Variants in OMA1 observed in about 807,000 individuals in gnomAD.
OMA1 encodes the protein metalloendopeptidase OMA1, mitochondrial.
In OMA1, 38 loss-of-function variants were observed where a neutral mutation model predicts 30.9. That is an observed-to-expected ratio of 1.23 (90% CI 0.95 to 1.61). The LOEUF (loss-of-function observed/expected upper bound fraction) is 1.61. OMA1 is among the 40% of genes most tolerant of loss of function. The pLI is 0.00. For missense variants in OMA1, 461 were observed against 349.2 expected (o/e 1.32, Z -2.55); for synonymous variants, 173 against 121.9 (o/e 1.42, Z -2.76).
At chr1:58,503,794 G>A (rs1324517382) in intron 8 of OMA1, among the ~76,000 whole-genome samples, 1 of 152,142 alleles carries the variant, frequency 6.6e-6, no homozygotes, top group Admixed American at 6.5e-5. Flanking sequence ...GTAAGTTTCT[G>A]TTGTTTATAA....
intron 7 of OMA1, among the ~76,000 whole-genome samples, chr1:58,523,040 A>C (rs1168615485): frequency 3.9e-5 from 6 of 152,180 alleles, no homozygotes. Flanking sequence ...GAATAATCAG[A>C]ATCCTTCTGC....
In OMA1 at chr1:58,489,211, G is replaced by T. The variant is rs1433206669; in HGVS notation, c.1366-8037C>A. 2.0e-5 allele frequency among the ~76,000 whole-genome samples: 3 copies of T among 152,326 alleles called. No homozygotes were observed. The East Asian group carries it at 5.8e-4, about 29-fold the overall frequency. ...TTCCTAGCCAAGGAAAGGGGTAACA[G>T]ACGGCACCTGGAAAATTGGGTCACT... is the stretch of plus-strand genomic sequence containing the variant. On this transcript the variant is annotated intron_variant, in intron 8 of 8. Coordinates refer to ENST00000371226, the MANE Select transcript of OMA1 (RefSeq NM_145243.5).
At chr1:58,483,451 C>T (rs899228604) in intron 8 of OMA1, among the ~76,000 whole-genome samples, 3 of 152,154 alleles carry the variant, frequency 2.0e-5, no homozygotes, top group East Asian at 3.8e-4. Flanking sequence ...GCACTTCTAG[C>T]TCTGATTAGG....
chr1:58,518,196 A>G (rs1313478485), intron 7 of OMA1, among the ~76,000 whole-genome samples: 6 of 60,296 alleles, frequency 1.0e-4, no homozygotes, highest in Admixed American at 4.0e-4. Context: ...GAAAGAAAAG[A>G]GGAGAGGGGA....
chr1:58,500,212 T>A (rs1645883690), intron 8 of OMA1, among the ~76,000 whole-genome samples: 1 of 151,096 alleles, frequency 6.6e-6, no homozygotes, highest in South Asian at 2.1e-4. Flanking sequence ...GTTTAGACAA[T>A]GTTACTGTCA....
At chr1:58,522,165 A>C (rs1057513864) in intron 7 of OMA1, among the ~76,000 whole-genome samples, 13 of 152,206 alleles carry the variant, frequency 8.5e-5, no homozygotes, top group African/African-American at 2.2e-4. Context: ...CAATACAGGC[A>C]GAAAATGCAG....
In OMA1 at chr1:58,528,858, A is replaced by G. The variant is rs1217612966; in HGVS notation, c.1141-1523T>C. Reference sequence around the variant, plus strand: ...AATTATTGAGGGGCCTTGATTTAGGAAAAAATAATTCAAATAGAATCATTC... The same window carrying G: ...AATTATTGAGGGGCCTTGATTTAGGGAAAAATAATTCAAATAGAATCATTC... On this transcript the variant is annotated intron_variant, in intron 6 of 8. Transcript: ENST00000371226. 2.6e-5 allele frequency among the ~76,000 whole-genome samples: 4 copies of G among 152,334 alleles called. No individual in the cohort carries two copies. The East Asian group carries it at 7.7e-4, about 29-fold the overall frequency.
At chr1:58,539,837 C>G (rs1263331328) in intron 1 of OMA1, among the ~76,000 whole-genome samples, 1 of 152,096 alleles carries the variant, frequency 6.6e-6, no homozygotes, top group African/African-American at 2.4e-5. Context: ...AGGTGGAGCC[C>G]AGTGGTTCCC....
At chr1:58,486,920 T>C (rs926335811) in intron 8 of OMA1, among the ~76,000 whole-genome samples, 1 of 152,136 alleles carries the variant, frequency 6.6e-6, no homozygotes, top group East Asian at 1.9e-4. Flanking sequence ...TGTGGTGAAG[T>C]TGGAGAGCTA....
chr1:58,523,401 A>G (rs1037989227), intron 7 of OMA1, among the ~76,000 whole-genome samples: 1 of 152,148 alleles, frequency 6.6e-6, no homozygotes, highest in Non-Finnish European at 1.5e-5. Flanking sequence ...AGACTTTCAT[A>G]ATGTTCTATC....
intron 7 of OMA1, among the ~76,000 whole-genome samples, chr1:58,524,794 T>C (rs1646324461): frequency 6.6e-6 from 1 of 152,328 alleles, no homozygotes; most frequent in African/African-American, 2.4e-5. Flanking sequence ...TCTCATGGTA[T>C]TACTCAAGGT....
Position 58,491,150 on chromosome 1 carries a change from T to A in OMA1, c.1366-9976A>T, listed in dbSNP as rs79002688. On this transcript the variant is annotated intron_variant, in intron 8 of 8. Transcript: ENST00000371226. ...AAAGAATTTTCAACCCAGAATTTCATATCCAGCCAAACTAAGCTTCATAAG... is the reference window on the plus strand; with the variant it reads ...AAAGAATTTTCAACCCAGAATTTCAAATCCAGCCAAACTAAGCTTCATAAG... Among the ~76,000 whole-genome samples the A allele has an allele frequency of 1.2e-4, 18 of 152,112 alleles. No homozygotes were observed. In the East Asian group the frequency reaches 3.3e-3, roughly 28 times the overall value.
At chr1:58,498,054 C>T (rs186355326) in intron 8 of OMA1, among the ~76,000 whole-genome samples, 1 of 152,014 alleles carries the variant, frequency 6.6e-6, no homozygotes. Flanking sequence ...CTATAAGGCC[C>T]TGATATCTGG....
chr1:58,505,889 A>T (rs954924431), intron 8 of OMA1, among the ~76,000 whole-genome samples, 171 bp downstream of exon 8: 2 of 152,248 alleles, frequency 1.3e-5, no homozygotes, highest in Non-Finnish European at 2.9e-5. Flanking sequence ...ACTTGTGGAC[A>T]AGCAGAATTT....
At chr1:58,533,904 A>G in intron 5 of OMA1, 49 bp downstream of exon 5, 1 of 842,018 alleles carries the variant, frequency 1.2e-6, no homozygotes, top group Non-Finnish European at 2.1e-6. Context: ...TTAACTTGTT[A>G]ACTTCAAAGC....
intron 7 of OMA1, among the ~76,000 whole-genome samples, chr1:58,509,801 A>C (rs1347382781): frequency 6.6e-6 from 1 of 152,012 alleles, no homozygotes; most frequent in East Asian, 1.9e-4. Context: ...ACAAAAGAGG[A>C]CACATTACAG....
chr1:58,527,368 A>T (rs749921671), intron 6 of OMA1, 33 bp from the exon 7 acceptor site: 1 of 862,582 alleles, frequency 1.2e-6, no homozygotes, highest in South Asian at 1.3e-5. Context: ...CTCCATTAAG[A>T]CAATTTATTT....
intron 8 of OMA1, among the ~76,000 whole-genome samples, chr1:58,504,459 T>C (rs115242622): frequency 1.3e-5 from 2 of 152,194 alleles, no homozygotes; most frequent in African/African-American, 2.4e-5. Context: ...CAACCGAACA[T>C]AGACTAGTAC....
intron 8 of OMA1, among the ~76,000 whole-genome samples, chr1:58,496,532 A>G (rs1435846534): frequency 1.3e-5 from 2 of 152,140 alleles, no homozygotes; most frequent in African/African-American, 4.8e-5. Flanking sequence ...TTTAAAGCTT[A>G]TCTCACTGGG....
Sources: allele counts gnomAD v4.1 joint callset (sites outside exome capture counted in the v4.1 genomes callset), GRCh38; gene constraint gnomAD v4.1.1; transcripts MANE v1.5; gene names NCBI Gene and HGNC (gene_info 2026-07-23, HGNC 2026-07-21).